Variants in CPLANE1 observed in about 807,000 individuals in gnomAD.
The protein encoded by CPLANE1 is ciliogenesis and planar polarity effector complex subunit 1.
CPLANE1 carries 263 observed loss-of-function variants against 362.5 expected under a neutral mutation model. The ratio of observed to expected loss-of-function variants is 0.73; its 90% CI spans 0.66 to 0.80. CPLANE1 has a LOEUF of 0.80. Ranked by LOEUF, CPLANE1 falls within the 30% of genes least tolerant of loss-of-function variation. The probability of loss-of-function intolerance (pLI) is 0.00; values close to 1 mark genes in which losing one functional copy is unlikely to be tolerated. For synonymous variants in CPLANE1, 1,212 were observed against 1,302.6 expected, an observed-to-expected ratio of 0.93 and a Z score of 1.50; for missense variants, 3,461 against 3,793.4, an observed-to-expected ratio of 0.91 and a Z score of 2.30.
intron 38 of CPLANE1, among the ~76,000 whole-genome samples, chr5:37,161,011 A>G (rs1776722593): frequency 6.6e-6 from 1 of 152,180 alleles, no homozygotes; most frequent in South Asian, 2.1e-4. Context: ...GCAAAGTTAA[A>G]AAGTTTAGCT....
intron 42 of CPLANE1, among the ~76,000 whole-genome samples, chr5:37,151,821 G>C (rs1773640643): frequency 1.3e-5 from 2 of 152,016 alleles, no homozygotes; most frequent in Admixed American, 1.3e-4. Context: ...GGCTGAGGTG[G>C]GAGGATCACT....
downstream of CPLANE1, among the ~76,000 whole-genome samples, chr5:37,101,427 A>G (rs1208978615): frequency 6.6e-6 from 1 of 152,208 alleles, no homozygotes; most frequent in East Asian, 1.9e-4. Context: ...TGTTGAATCA[A>G]TGGTGCATCC....
intron 16 of CPLANE1, among the ~76,000 whole-genome samples, chr5:37,207,278 A>G (rs1031693004): frequency 1.3e-5 from 2 of 152,264 alleles, no homozygotes; most frequent in African/African-American, 4.8e-5. Flanking sequence ...AGTTTCTCAC[A>G]TGACCTATAC....
intron 14 of CPLANE1, among the ~76,000 whole-genome samples, chr5:37,222,651 T>G (rs770082851): frequency 4.6e-5 from 7 of 152,204 alleles, no homozygotes; most frequent in Non-Finnish European, 1.0e-4. Context: ...ACAAAAACTT[T>G]TCTATACCCA....
At chr5:37,169,656 G>A in intron 33 of CPLANE1, 95 bp from the exon 34 acceptor site, 1 of 1,006,812 alleles carries the variant, frequency 9.9e-7, no homozygotes, top group Non-Finnish European at 1.4e-6. Flanking sequence ...TGGGTAGAAT[G>A]TAGTAACTGC....
At chr5:37,157,999 G>T (rs1301842114) in intron 39 of CPLANE1, 131 bp from the exon 40 acceptor site, 2 of 747,956 alleles carry the variant, frequency 2.7e-6, no homozygotes, top group Non-Finnish European at 4.2e-6. Flanking sequence ...GGAAAGAAGG[G>T]CCTGAATGTG....
the CPLANE1 span, among the ~76,000 whole-genome samples, chr5:37,083,976 CAT>C: frequency 1.3e-5 from 2 of 152,152 alleles, no homozygotes; most frequent in Admixed American, 1.3e-4. Flanking sequence ...GGCACCCTGC[CAT>C]CAGGTTATCT....
chr5:37,212,997 TC>T (rs1484311511), intron 16 of CPLANE1, among the ~76,000 whole-genome samples: 1 of 152,156 alleles, frequency 6.6e-6, no homozygotes, highest in African/African-American at 2.4e-5. Flanking sequence ...TCACCTGAGG[TC>T]AGGAGTTCGA....
At chr5:37,129,381 C>T (rs540955574) in intron 46 of CPLANE1, among the ~76,000 whole-genome samples, 3 of 152,186 alleles carry the variant, frequency 2.0e-5, no homozygotes, top group African/African-American at 7.2e-5. Context: ...AAAGCAAATG[C>T]AACAAAAACA....
intron 50 of CPLANE1, among the ~76,000 whole-genome samples, chr5:37,119,864 G>A: frequency 6.9e-6 from 1 of 144,282 alleles, no homozygotes; most frequent in Non-Finnish European, 1.5e-5. Context: ...GTGGGCGCCT[G>A]TAATCCCAGG....
chr5:37,183,544 T>C lies in CPLANE1; in HGVS notation c.4637A>G (p.Asp1546Gly). ...PVIGVWEFER[D>G]DDEYIKFLDL... ...AAGGAATTTAATATATTCATCATCA[T>C]CACGTTCAAATTCCCAAACACCTAT... The change falls in exon 26 of 53, where the codon GAT becomes GGT. Residue 1546 changes from aspartate to glycine, a missense_variant. Coordinates refer to ENST00000651892, the MANE Select transcript of CPLANE1 (RefSeq NM_001384732.1). 1 of 1,613,586 alleles carries C rather than the reference T, an allele frequency of 6.2e-7. No individual in the cohort carries two copies. The highest frequency in any genetic ancestry group is 8.5e-7 in the Non-Finnish European group (1 of 1,179,628).
chr5:37,097,462 T>C, the CPLANE1 span, among the ~76,000 whole-genome samples: 1 of 152,232 alleles, frequency 6.6e-6, no homozygotes, highest in Non-Finnish European at 1.5e-5. Context: ...TTTACCAAAA[T>C]AATGACTGAA....
At chr5:37,082,459 C>G in the CPLANE1 span, among the ~76,000 whole-genome samples, 48 of 152,038 alleles carry the variant, frequency 3.2e-4, no homozygotes, top group Non-Finnish European at 4.4e-5. Context: ...TAATTCAAAA[C>G]AATGTGATAG....
At chr5:37,116,509 A>T (rs1000087633) in intron 50 of CPLANE1, among the ~76,000 whole-genome samples, 9 of 149,586 alleles carry the variant, frequency 6.0e-5, no homozygotes, top group African/African-American at 2.2e-4. Flanking sequence ...AAAAAAAAAA[A>T]AAAAAAGGCT....
chr5:37,079,037 C>T, the CPLANE1 span, among the ~76,000 whole-genome samples: 4 of 152,126 alleles, frequency 2.6e-5, no homozygotes, highest in Non-Finnish European at 5.9e-5. Flanking sequence ...TTTTGCTGTG[C>T]AGAAGCTCTT....
At chr5:37,088,735 C>CT in the CPLANE1 span, among the ~76,000 whole-genome samples, 1 of 152,100 alleles carries the variant, frequency 6.6e-6, no homozygotes, top group African/African-American at 2.4e-5. Flanking sequence ...CAGGACTGGA[C>CT]TTACTCTGCC....
the CPLANE1 span, among the ~76,000 whole-genome samples, chr5:37,088,412 G>C: frequency 2.4e-4 from 37 of 152,140 alleles, no homozygotes; most frequent in Non-Finnish European, 4.3e-4. Flanking sequence ...AAGTGAAAAG[G>C]GAGAGAAACC....
intron 41 of CPLANE1, among the ~76,000 whole-genome samples, chr5:37,155,633 C>G (rs541289594): frequency 6.6e-6 from 1 of 152,326 alleles, no homozygotes; most frequent in South Asian, 2.1e-4. Context: ...CCTTAGCCTC[C>G]CAAAGTGTTG....
chr5:37,183,740 T>G, intron 25 of CPLANE1, 41 bp from the exon 26 acceptor site: 1 of 1,341,160 alleles, frequency 7.5e-7, no homozygotes. Flanking sequence ...TAGAGATCAT[T>G]TAATCACTAA....
Sources: gnomAD v4.1 joint callset for allele counts (sites outside exome capture counted in the v4.1 genomes callset) on GRCh38, gnomAD v4.1.1 for gene constraint, MANE v1.5 for transcripts, NCBI Gene and HGNC (gene_info 2026-07-23, HGNC 2026-07-21) for gene names.